GGA3: variants seen among roughly 807,000 people sequenced by gnomAD.
GGA3 encodes golgi associated, gamma adaptin ear containing, ARF binding protein 3.
A neutral mutation model predicts 77.5 loss-of-function variants in GGA3; 57 were observed. The observed-to-expected ratio is 0.74, with a 90% CI of 0.59 to 0.92. The LOEUF (loss-of-function observed/expected upper bound fraction) is 0.92, where lower values mean the gene tolerates loss of function less well. GGA3 is among the 40% of genes least tolerant of loss of function. The pLI is 0.00. For missense variants in GGA3, 970 were observed against 914.9 expected (o/e 1.06, Z -0.78); for synonymous variants, 416 against 383.7 (o/e 1.08, Z -0.98).
intron 1 of GGA3, chr17:75,248,810 A>AAAC: frequency 2.5e-6 from 2 of 794,040 alleles, no homozygotes; most frequent in Non-Finnish European, 2.7e-6. Context: ...ACAAAAACAA[A>AAAC]AAAAACAAAA....
At chr17:75,240,615 G>T in intron 11 of GGA3, 197 bp downstream of exon 11, 3 of 691,800 alleles carry the variant, frequency 4.3e-6, no homozygotes, top group Non-Finnish European at 7.2e-6. Context: ...GCGGGGTGCA[G>T]GGCAGGAGGC....
intron 7 of GGA3, 141 bp downstream of exon 7, chr17:75,242,690 C>T (rs369471858): frequency 1.3e-5 from 12 of 892,054 alleles, no homozygotes; most frequent in African/African-American, 4.9e-5. Flanking sequence ...TGCTCCTCCT[C>T]CCACTCTCAG....
At chr17:75,247,165 G>A (rs1174190261) in intron 1 of GGA3, among the ~76,000 whole-genome samples, 2 of 152,094 alleles carry the variant, frequency 1.3e-5, no homozygotes, top group Non-Finnish European at 2.9e-5. Context: ...ATATAAAAAT[G>A]AGCTCAGTGT....
chr17:75,242,024 C>T, intron 8 of GGA3: 1 of 542,132 alleles, frequency 1.8e-6, no homozygotes, highest in Non-Finnish European at 3.3e-6. Flanking sequence ...ACAAGGAAGC[C>T]TCTCTGTCTT....
chr17:75,239,990 A>G lies in GGA3; in HGVS notation c.1382T>C (p.Leu461Pro). ...CACAGGAGCTGGGAAGGGAGGCGGC[A>G]GTGGAGCTTGGGAGCTGCTTGAGGA... ...APSSSSSQAP[L>P]PPPFPAPVVP... The change falls in exon 13 of 17, where the codon CTG becomes CCG. Residue 461 changes from leucine (L) to proline (P), a missense_variant. Transcript: ENST00000537686. 6.4e-7 allele frequency: 1 copy of G among 1,556,650 alleles called. No individual in the cohort carries two copies. The highest frequency in any genetic ancestry group is 8.7e-7 in the Non-Finnish European group (1 of 1,150,788).
chr17:75,238,492 C>T (rs1204165996), intron 16 of GGA3, 103 bp from the exon 17 acceptor site: 1 of 1,092,636 alleles, frequency 9.2e-7, no homozygotes, highest in Admixed American at 2.1e-5. Context: ...TCCCTTTTCC[C>T]CGCAACCCCC....
intron 1 of GGA3, among the ~76,000 whole-genome samples, chr17:75,248,509 G>A (rs2076838876): frequency 8.5e-6 from 1 of 118,310 alleles, no homozygotes; most frequent in Admixed American, 1.0e-4. Context: ...CAGCTGGGCC[G>A]GGTGCAGTGG....
chr17:75,237,981 C>A lies in GGA3; in HGVS notation c.*298G>T, dbSNP rs558874819. ...GCCAGTAGAAGGAAGCAAACACCTACGCCAAGCCTGGGGGTCCATGTTCCC... is the reference window on the plus strand; with the variant it reads ...GCCAGTAGAAGGAAGCAAACACCTAAGCCAAGCCTGGGGGTCCATGTTCCC... On this transcript the variant is annotated 3_prime_UTR_variant, in exon 17 of 17. Transcript: ENST00000537686. 1 of 1,190,078 alleles carries A rather than the reference C, an allele frequency of 8.4e-7. No homozygotes were observed. The highest frequency in any genetic ancestry group is 2.9e-5 in the South Asian group (1 of 35,000). 73.7% of individuals were successfully genotyped at this position (1,190,078 alleles called of 1,614,324 possible).
intron 1 of GGA3, among the ~76,000 whole-genome samples, chr17:75,253,987 C>T (rs1188314515): frequency 6.6e-6 from 1 of 152,166 alleles, no homozygotes; most frequent in South Asian, 2.1e-4. Context: ...ACGGCACTTT[C>T]GATTTCTCCA....
At chr17:75,241,875 AC>A in intron 8 of GGA3, 179 bp from the exon 9 acceptor site, 3 of 635,420 alleles carry the variant, frequency 4.7e-6, no homozygotes, top group Non-Finnish European at 8.5e-6. Context: ...ACACCACATC[AC>A]CCAGGATGTT....
At chr17:75,253,045 C>T (rs940723457) in intron 1 of GGA3, among the ~76,000 whole-genome samples, 7 of 152,184 alleles carry the variant, frequency 4.6e-5, no homozygotes, top group Non-Finnish European at 7.3e-5. Flanking sequence ...CACATGGACG[C>T]GCATGAAATT....
chr17:75,243,057 C>T lies in GGA3; in HGVS notation c.528+6G>A, dbSNP rs1315958782. 1.9e-6 allele frequency: 3 copies of T among 1,603,612 alleles called. No homozygotes were observed. Among genetic ancestry groups the T allele is most frequent in the East Asian group, 2.2e-5 (1 of 44,852 alleles). On this transcript the variant is annotated splice_donor_region_variant and intron_variant, in intron 6 of 16. Coordinates refer to ENST00000537686, the MANE Select transcript of GGA3 (RefSeq NM_138619.4). ...GAGAAAATCCCAGGCCCAGGGTGTC[C>T]TTTACCTTGGACTTCTCCTCATCAT...
At chr17:75,240,129 G>C (rs1179613810) in intron 12 of GGA3, 21 bp from the exon 13 acceptor site, 2 of 1,484,652 alleles carry the variant, frequency 1.3e-6, no homozygotes, top group Non-Finnish European at 1.8e-6. Flanking sequence ...CAGAAAGGGT[G>C]GTGAGCCGAG....
At chr17:75,241,759 C>T in intron 8 of GGA3, 63 bp from the exon 9 acceptor site, 1 of 1,388,460 alleles carries the variant, frequency 7.2e-7, no homozygotes, top group Non-Finnish European at 1.0e-6. Context: ...CTGATTCATT[C>T]AGGGTTCATG....
chr17:75,252,747 G>C (rs113147280), intron 1 of GGA3, among the ~76,000 whole-genome samples: 8,718 of 152,186 alleles, frequency 0.057, 649 homozygotes, highest in African/African-American at 0.16. Context: ...TGACATTCCA[G>C]CATTGTGATT....
chr17:75,238,098 G>A lies in GGA3; in HGVS notation c.*181C>T, dbSNP rs949975074. ...GGTAGATAAAAACAGGTCCTTTTAG[G>A]GGCCAAAGGAGAGGTTATCACAGCA... On this transcript the variant is annotated 3_prime_UTR_variant, in exon 17 of 17. Coordinates refer to ENST00000537686, the MANE Select transcript of GGA3 (RefSeq NM_138619.4). 7 of 1,396,704 alleles carry A rather than the reference G, an allele frequency of 5.0e-6. No individual in the cohort carries two copies. The African/African-American group carries it at 5.8e-5, about 12-fold the overall frequency. 86.5% of individuals were successfully genotyped at this position (1,396,704 alleles called of 1,614,324 possible).
chr17:75,240,731 C>A, intron 11 of GGA3, 81 bp downstream of exon 11: 1 of 1,463,232 alleles, frequency 6.8e-7, no homozygotes, highest in Non-Finnish European at 9.1e-7. Context: ...ACTGGGGCCC[C>A]GCTCAGGGCT....
In GGA3 at chr17:75,239,623, G is replaced by C. The variant is rs192999979; in HGVS notation, c.1584-52C>G. ...CGTCAGAGAGCCAGCCAGAGCTGCA[G>C]GACTCTCACCCAAGGCCCCTGACCA... On this transcript the variant is annotated intron_variant, in intron 13 of 16. Transcript: ENST00000537686. 565 of 1,486,918 alleles carry C rather than the reference G, an allele frequency of 3.8e-4. 5 individuals are homozygous for C. In the East Asian group the frequency reaches 0.012, roughly 31 times the overall value. The allele number at this position is 1,486,918 out of a possible 1,614,324, so 92.1% of individuals were successfully genotyped here.
rs2076468206 is a variant in GGA3 at position 75,239,812 on chromosome 17, A to G, written c.1560T>C (p.Asp520=). 2 of 1,613,678 alleles carry G rather than the reference A, an allele frequency of 1.2e-6. No homozygotes were observed. The highest frequency in any genetic ancestry group is 1.7e-6 in the Non-Finnish European group (2 of 1,180,042). Residue 520 remains aspartate (D), a synonymous_variant, in exon 13 of 17, where the codon GAT becomes GAC. Coordinates refer to ENST00000537686, the MANE Select transcript of GGA3 (RefSeq NM_138619.4). ...NSALHHLDAL[D]QLLEEAKVTS... ...ACACTTTGGCCTCTTCTAGAAGCTGATCGAGGGCATCCAGGTGGTGCAGCG... is the reference window on the plus strand; with the variant it reads ...ACACTTTGGCCTCTTCTAGAAGCTGGTCGAGGGCATCCAGGTGGTGCAGCG...
Sources: allele counts gnomAD v4.1 joint callset (sites outside exome capture counted in the v4.1 genomes callset), GRCh38; gene constraint gnomAD v4.1.1; transcripts MANE v1.5; gene names NCBI Gene and HGNC (gene_info 2026-07-23, HGNC 2026-07-21).